Variants in CPNE8 observed in about 807,000 individuals in gnomAD.
CPNE8 encodes the protein copine 8.
CPNE8 carries 45 observed loss-of-function variants against 81.5 expected under a neutral mutation model. The ratio of observed to expected loss-of-function variants is 0.55; its 90% CI spans 0.44 to 0.71. CPNE8 has a LOEUF of 0.71. CPNE8 is among the 30% of genes least tolerant of loss of function. The pLI, the probability that CPNE8 is intolerant of heterozygous loss-of-function variation, is 0.00. For synonymous variants in CPNE8, 252 were observed against 226.3 expected, an observed-to-expected ratio of 1.11 and a Z score of -1.02; for missense variants, 594 against 672.1, an observed-to-expected ratio of 0.88 and a Z score of 1.28.
chr12:38,739,590 G>C (rs910490839), intron 10 of CPNE8, among the ~76,000 whole-genome samples: 3 of 152,052 alleles, frequency 2.0e-5, no homozygotes, highest in Admixed American at 6.6e-5. Context: ...TTCTACCTTT[G>C]GGTTCTACTG....
chr12:38,721,636 G>C (rs1940567108), intron 13 of CPNE8, among the ~76,000 whole-genome samples: 1 of 152,202 alleles, frequency 6.6e-6, no homozygotes, highest in South Asian at 2.1e-4. Flanking sequence ...ACACAAGCAG[G>C]GCTGAAACCT....
intron 14 of CPNE8, among the ~76,000 whole-genome samples, chr12:38,698,289 T>C (rs1198133102): frequency 6.6e-6 from 1 of 152,232 alleles, no homozygotes; most frequent in Non-Finnish European, 1.5e-5. Flanking sequence ...AAGTTATTTA[T>C]ATATTCTAGG....
At chr12:38,722,915 T>A (rs1940601856) in intron 13 of CPNE8, among the ~76,000 whole-genome samples, 1 of 152,028 alleles carries the variant, frequency 6.6e-6, no homozygotes, top group Non-Finnish European at 1.5e-5. Flanking sequence ...ATCTGATGGT[T>A]TTACAAGTGT....
At chr12:38,902,512 A>C (rs368270087) in intron 1 of CPNE8, among the ~76,000 whole-genome samples, 4 of 152,356 alleles carry the variant, frequency 2.6e-5, no homozygotes, top group African/African-American at 9.6e-5. Flanking sequence ...AAGTGTGGGC[A>C]AATCCTCAGA....
intron 6 of CPNE8, among the ~76,000 whole-genome samples, chr12:38,817,787 C>T (rs936222631): frequency 1.3e-5 from 2 of 151,834 alleles, no homozygotes. Context: ...CTACGCCCGG[C>T]TAATTTTTCG....
At chr12:38,844,609 C>G (rs1482302683) in intron 4 of CPNE8, among the ~76,000 whole-genome samples, 3 of 151,792 alleles carry the variant, frequency 2.0e-5, no homozygotes, top group African/African-American at 7.3e-5. Context: ...ACCATAGTAA[C>G]AATAAAAAAA....
chr12:38,862,911 T>C lies in CPNE8; in HGVS notation c.186+10093A>G, dbSNP rs12424475. On this transcript the variant is annotated intron_variant, in intron 3 of 19. Coordinates refer to ENST00000331366, the MANE Select transcript of CPNE8 (RefSeq NM_153634.3). ...CTGCAGTGAGCCAAGGTCATGCAAC[T>C]GCACTCAAGCCTGGATGAGAGAATG... is the stretch of plus-strand genomic sequence containing the variant. Among the ~76,000 whole-genome samples, 384 of 152,032 alleles carry C rather than the reference T, an allele frequency of 2.5e-3. 9 individuals carry two copies. The highest frequency in any genetic ancestry group is 0.024 in the Admixed American group (371 of 15,274).
chr12:38,900,674 T>C (rs1421876681), intron 1 of CPNE8, among the ~76,000 whole-genome samples: 1 of 152,116 alleles, frequency 6.6e-6, no homozygotes, highest in South Asian at 2.1e-4. Flanking sequence ...TTTGGTTGTC[T>C]AGGATGAACG....
chr12:38,770,976 T>C (rs1941787973), intron 7 of CPNE8, among the ~76,000 whole-genome samples: 1 of 152,142 alleles, frequency 6.6e-6, no homozygotes, highest in South Asian at 2.1e-4. Flanking sequence ...TCCCACAAAC[T>C]ATGTGTTCAT....
At chr12:38,890,118 C>A (rs1441368438) in intron 1 of CPNE8, among the ~76,000 whole-genome samples, 2 of 152,212 alleles carry the variant, frequency 1.3e-5, no homozygotes, top group Non-Finnish European at 2.9e-5. Context: ...TCATCATCTT[C>A]ACCTTGTATT....
At chr12:38,739,651 A>G (rs1941043606) in intron 10 of CPNE8, among the ~76,000 whole-genome samples, 1 of 152,118 alleles carries the variant, frequency 6.6e-6, no homozygotes, top group Non-Finnish European at 1.5e-5. Flanking sequence ...CCCCCTCAAA[A>G]CCATAAAATA....
At chr12:38,725,129 A>T (rs10783333) in intron 11 of CPNE8, among the ~76,000 whole-genome samples, 58,154 of 151,960 alleles carry the variant, frequency 0.38, 11,727 homozygotes, top group Middle Eastern at 0.47. Context: ...TCTCACCTGT[A>T]CATATTGATT....
intron 10 of CPNE8, among the ~76,000 whole-genome samples, chr12:38,751,901 A>G (rs1941359269): frequency 6.6e-6 from 1 of 152,088 alleles, no homozygotes; most frequent in Non-Finnish European, 1.5e-5. Flanking sequence ...CTTTTTCACC[A>G]GGCTGCATTG....
chr12:38,670,659 T>G, intron 19 of CPNE8, 70 bp downstream of exon 19: 1 of 1,044,464 alleles, frequency 9.6e-7, no homozygotes, highest in South Asian at 1.5e-5. Flanking sequence ...TATTTCTAGC[T>G]TCTAATTTTG....
chr12:38,897,122 ATC>A (rs1944399170), intron 1 of CPNE8, among the ~76,000 whole-genome samples: 12 of 152,130 alleles, frequency 7.9e-5, no homozygotes, highest in Non-Finnish European at 2.9e-5. Context: ...ATTTAAAGAC[ATC>A]TGTCTGATTT....
intron 4 of CPNE8, among the ~76,000 whole-genome samples, chr12:38,841,330 C>T (rs1202126040): frequency 6.6e-6 from 1 of 152,028 alleles, no homozygotes; most frequent in Non-Finnish European, 1.5e-5. Flanking sequence ...TCTTGCCTCA[C>T]CTTCTCTTTT....
intron 1 of CPNE8, among the ~76,000 whole-genome samples, chr12:38,891,947 C>T (rs1056160764): frequency 2.0e-5 from 3 of 151,996 alleles, no homozygotes; most frequent in Admixed American, 6.6e-5. Context: ...GGGAGACAGG[C>T]GTGCAAAAAC....
chr12:38,665,605 T>C (rs575771339), intron 19 of CPNE8, among the ~76,000 whole-genome samples: 1 of 152,138 alleles, frequency 6.6e-6, no homozygotes, highest in Non-Finnish European at 1.5e-5. Flanking sequence ...GATTTTCAAG[T>C]CTAAGCCCTC....
At chr12:38,705,270 A>G (rs1382135730) in intron 13 of CPNE8, among the ~76,000 whole-genome samples, 2 of 152,138 alleles carry the variant, frequency 1.3e-5, no homozygotes, top group Non-Finnish European at 2.9e-5. Flanking sequence ...CGATTCTGCT[A>G]TTACAGCATA....
Sources: allele counts gnomAD v4.1 joint callset (sites outside exome capture counted in the v4.1 genomes callset), GRCh38; gene constraint gnomAD v4.1.1; transcripts MANE v1.5; gene names NCBI Gene and HGNC (gene_info 2026-07-23, HGNC 2026-07-21).